PCK2: variants seen among roughly 807,000 people sequenced by gnomAD.
PCK2 encodes the protein phosphoenolpyruvate carboxykinase 2, mitochondrial.
Under a neutral mutation model 65.9 loss-of-function variants are expected in PCK2, and 56 were observed. That is an observed-to-expected ratio of 0.85 (90% CI 0.69 to 1.06). The LOEUF (loss-of-function observed/expected upper bound fraction) is 1.06, where lower values mean the gene tolerates loss of function less well. Ranked by LOEUF, PCK2 falls within the 50% of genes least tolerant of loss-of-function variation. PCK2 has a pLI of 0.00. For synonymous variants in PCK2, 305 were observed against 319.6 expected (o/e 0.95, Z 0.49); for missense variants, 843 against 863.1 (o/e 0.98, Z 0.29).
At chr14:24,103,312 C>A in intron 9 of PCK2, 57 bp downstream of exon 9, 1 of 1,420,390 alleles carries the variant, frequency 7.0e-7, no homozygotes, top group Non-Finnish European at 9.9e-7. Flanking sequence ...CGTCCTCTCT[C>A]CCTTCCTGAG....
At chr14:24,097,158 C>A (rs769004334) in intron 2 of PCK2, 21 bp downstream of exon 2, 1 of 1,610,570 alleles carries the variant, frequency 6.2e-7, no homozygotes, top group South Asian at 1.1e-5. Context: ...GGCTCCACAA[C>A]CTGCAGGATA....
chr14:24,094,483 C>T lies in PCK2; in HGVS notation c.29+49C>T. ...CCACCCGCACCTTCCGCTGCGCTCGCCCCCTCGGGGCTGCCAGTGGCGCTC... is the reference window on the plus strand; with the variant it reads ...CCACCCGCACCTTCCGCTGCGCTCGTCCCCTCGGGGCTGCCAGTGGCGCTC... On this transcript the variant is annotated intron_variant, in intron 1 of 9. Coordinates refer to ENST00000216780, the MANE Select transcript of PCK2 (RefSeq NM_004563.4). The surrounding 1 kb of genome is among the most constrained non-coding windows in gnomAD (Gnocchi z 4.1). 6.7e-7 allele frequency: 1 copy of T among 1,488,520 alleles called. No homozygotes were observed. The highest frequency in any genetic ancestry group is 1.4e-5 in the African/African-American group (1 of 69,944). The allele number at this position is 1,488,520 out of a possible 1,614,324, so 92.2% of individuals were successfully genotyped here. A position where few individuals can be genotyped will look rare whatever the true frequency, so the allele number is the denominator to read the frequency against.
chr14:24,095,804 G>A (rs933874700), intron 1 of PCK2, among the ~76,000 whole-genome samples: 4 of 152,320 alleles, frequency 2.6e-5, no homozygotes, highest in East Asian at 3.9e-4. Context: ...ACAACAGGAC[G>A]CTGACCTCCT....
Position 24,102,830 on chromosome 14 carries a change from T to C in PCK2, c.1312T>C (p.Trp438Arg). The C allele has an allele frequency of 6.2e-7, 1 of 1,614,068 alleles. No individual in the cohort carries two copies. The highest frequency in any genetic ancestry group is 8.5e-7 in the Non-Finnish European group (1 of 1,179,922). The change falls in exon 8 of 10, where the codon TGG (tryptophan) becomes CGG (arginine). Residue 438 changes from tryptophan to arginine, a missense_variant. Physicochemically the swap from Trp to Arg is moderately radical, Grantham distance 101. Coordinates refer to ENST00000216780, the MANE Select transcript of PCK2 (RefSeq NM_004563.4). ...CCAGTGCCCCATCATGGACCCAGCC[T>C]GGGAGGCCCCAGAGGGTGTCCCCAT... The part of the protein sequence containing the change: ...ARQCPIMDPA[W>R]EAPEGVPIDA...
At chr14:24,102,937 G>C (rs780533661) in intron 8 of PCK2, 47 bp downstream of exon 8, 1 of 1,571,616 alleles carries the variant, frequency 6.4e-7, no homozygotes, top group Non-Finnish European at 8.7e-7. Context: ...GGCTATCTCT[G>C]TATTAGGGCC....
chr14:24,097,588 G>A (rs2036950629), intron 2 of PCK2, among the ~76,000 whole-genome samples: 1 of 84,088 alleles, frequency 1.2e-5, no homozygotes, highest in Non-Finnish European at 2.7e-5. Flanking sequence ...AAAGAAACTG[G>A]GATTTTTTTT....
At chr14:24,098,702 G>A in intron 4 of PCK2, 24 bp downstream of exon 4, 1 of 1,600,068 alleles carries the variant, frequency 6.2e-7, no homozygotes. Flanking sequence ...CTGCCCCAAG[G>A]GGAACACAGA....
upstream of PCK2, chr14:24,094,192 C>T: frequency 3.6e-6 from 2 of 563,326 alleles, no homozygotes; most frequent in East Asian, 3.4e-5. The surrounding 1 kb of genome is among the most constrained non-coding windows in gnomAD (Gnocchi z 4.1). Context: ...GAGCCTGGAG[C>T]CCCGGGGCCG....
At chr14:24,102,303 C>T (rs961393291) in intron 7 of PCK2, among the ~76,000 whole-genome samples, 7 of 152,158 alleles carry the variant, frequency 4.6e-5, no homozygotes, top group South Asian at 2.1e-4. Flanking sequence ...GGTTTGCTGA[C>T]GGAAAGTCAA....
rs2036795363 is a variant in PCK2 at position 24,094,934 on chromosome 14, G to A, written c.29+500G>A. On this transcript the variant is annotated intron_variant, in intron 1 of 9. Coordinates refer to ENST00000216780, the MANE Select transcript of PCK2 (RefSeq NM_004563.4). This position sits in a 1 kb window ranked among gnomAD's most constrained non-coding sequence, Gnocchi z 4.1. ...TTCCCGGCCTCTCCCGGACTGGAAG[G>A]ACTGGAACCTGGCGGGAAGTCCAGA... is the stretch of plus-strand genomic sequence containing the variant. The A allele has an allele frequency of 1.9e-6, 2 of 1,077,010 alleles. No homozygotes were observed. Among genetic ancestry groups the A allele is most frequent in the Non-Finnish European group, 2.5e-6 (2 of 802,208 alleles). The allele number at this position is 1,077,010 out of a possible 1,614,324, so 66.7% of individuals were successfully genotyped here.
chr14:24,099,610 T>C lies in PCK2; in HGVS notation c.905T>C (p.Phe302Ser). 1 of 1,613,582 alleles carries C rather than the reference T, an allele frequency of 6.2e-7. No individual in the cohort carries two copies. Among genetic ancestry groups the C allele is most frequent in the Non-Finnish European group, 8.5e-7 (1 of 1,179,684 alleles). Residue 302 changes from phenylalanine to serine, a missense_variant, in exon 6 of 10, where the codon TTC becomes TCC. By Grantham distance (155) the Phe-to-Ser change is radical (BLOSUM62 -2). Transcript: ENST00000216780. ...AGKKRYVAAA[F>S]PSACGKTNLA... Reference sequence around the variant, plus strand: ...AAGAAGCGCTATGTGGCAGCCGCCTTCCCTAGTGCCTGTGGCAAGACCAAC... The same window carrying C: ...AAGAAGCGCTATGTGGCAGCCGCCTCCCCTAGTGCCTGTGGCAAGACCAAC...
At chr14:24,100,310 G>A in intron 7 of PCK2, 97 bp downstream of exon 7, 1 of 1,533,038 alleles carries the variant, frequency 6.5e-7, no homozygotes, top group Admixed American at 2.2e-5. Context: ...TTCTAGGACT[G>A]CCAGGAGGCA....
At position 24,102,873 on chromosome 14, in the gene PCK2, G is replaced by A; in HGVS notation, c.1355G>A (p.Gly452Asp). The change falls in exon 8 of 10, where the codon GGT (glycine) becomes GAT (aspartate). Residue 452 changes from glycine to aspartate, a missense_variant. Coordinates refer to ENST00000216780, the MANE Select transcript of PCK2 (RefSeq NM_004563.4). ...GTCCCCATTGACGCCATCATCTTTG[G>A]TGGCCGCAGACCCAAAGGTAAACAA... The part of the protein sequence containing the change: ...EGVPIDAIIF[G>D]GRRPKGVPLV... 1 of 1,613,910 alleles carries A rather than the reference G, an allele frequency of 6.2e-7. No individual in the cohort carries two copies. The highest frequency in any genetic ancestry group is 8.5e-7 in the Non-Finnish European group (1 of 1,179,968).
In PCK2 at chr14:24,102,898, AC is replaced by A; in HGVS notation, c.1372+9del. ...GTGGCCGCAGACCCAAAGGTAAACA[AC>A]ATATGAGCTCCATGTTCTTGGCAAA... On this transcript the variant is annotated intron_variant, in intron 8 of 9. Transcript: ENST00000216780. 1.2e-6 allele frequency: 2 copies of A among 1,611,962 alleles called. No individual in the cohort carries two copies. Among genetic ancestry groups the A allele is most frequent in the South Asian group, 1.1e-5 (1 of 90,920 alleles).
Position 24,099,187 on chromosome 14 carries a change from T to G in PCK2, c.803T>G (p.Ile268Ser). Residue 268 changes from isoleucine (I) to serine (S), a missense_variant, in exon 5 of 10, where the codon ATC (isoleucine) becomes AGC (serine). Ile to Ser is a moderately radical substitution (Grantham distance 142). Coordinates refer to ENST00000216780, the MANE Select transcript of PCK2 (RefSeq NM_004563.4). ...LLGKKCFALRIASRLARDEGW... is the reference protein window; with the variant it reads ...LLGKKCFALRSASRLARDEGW... ...GGCAAGAAGTGCTTTGCCCTACGCA[T>G]CGCCTCTCGGCTGGCCCGGGATGAG... is the stretch of plus-strand genomic sequence containing the variant. 6.2e-7 allele frequency: 1 copy of G among 1,606,642 alleles called. No individual in the cohort carries two copies. The highest frequency in any genetic ancestry group is 8.5e-7 in the Non-Finnish European group (1 of 1,178,838).
rs1452286219 is a variant in PCK2, at chr14:24,094,362, C to G, written c.-44C>G. The G allele has an allele frequency of 2.0e-6, 3 of 1,523,200 alleles. No homozygotes were observed. The South Asian group carries it at 3.6e-5, about 18-fold the overall frequency. 94.4% of individuals were successfully genotyped at this position (1,523,200 alleles called of 1,614,324 possible). A position where few individuals can be genotyped will look rare whatever the true frequency, so the allele number is the denominator to read the frequency against. On this transcript the variant is annotated 5_prime_UTR_variant, in exon 1 of 10. Transcript: ENST00000216780. The surrounding 1 kb of genome is among the most constrained non-coding windows in gnomAD (Gnocchi z 4.1). ...TTCCCCGCCTTCCATACCTCCCCGG[C>G]TCCGCTCGGTTCCTGGCCACCCCGC...
intron 7 of PCK2, among the ~76,000 whole-genome samples, chr14:24,102,181 T>G (rs2037187414): frequency 6.6e-6 from 1 of 152,162 alleles, no homozygotes. Flanking sequence ...TAAGCCAAGA[T>G]TGCACCACTG....
At chr14:24,098,105 A>T in intron 2 of PCK2, 98 bp from the exon 3 acceptor site, 4 of 983,436 alleles carry the variant, frequency 4.1e-6, no homozygotes, top group Non-Finnish European at 4.5e-6. Flanking sequence ...CATAAGGCCA[A>T]CAGAAGACCT....
intron 7 of PCK2, among the ~76,000 whole-genome samples, chr14:24,102,426 C>T (rs1247331758): frequency 6.6e-6 from 1 of 152,070 alleles, no homozygotes; most frequent in Non-Finnish European, 1.5e-5. Context: ...TTATTATAAC[C>T]TTATGCCCAT....
Sources: allele counts gnomAD v4.1 joint callset (sites outside exome capture counted in the v4.1 genomes callset), GRCh38; gene constraint gnomAD v4.1.1; non-coding constraint Gnocchi (gnomAD v3.1); transcripts MANE v1.5; gene names NCBI Gene and HGNC (gene_info 2026-07-23, HGNC 2026-07-21).